The following HMGA2 variants were observed in gnomAD, a reference collection of about 807,000 sequenced individuals.
HMGA2 encodes high mobility group protein HMGI-C.
Under a neutral mutation model 19.1 loss-of-function variants are expected in HMGA2, and 8 were observed. That is an observed-to-expected ratio of 0.42 (90% CI 0.25 to 0.76). HMGA2 has a LOEUF of 0.76. Among genes scored for constraint, HMGA2 ranks in the 30% least tolerant of loss-of-function variants. The pLI is 0.28. For missense variants in HMGA2, 109 were observed against 136.3 expected, an observed-to-expected ratio of 0.80 and a Z score of 1.00; for synonymous variants, 60 against 48.8, an observed-to-expected ratio of 1.23 and a Z score of -0.96.
intron 4 of HMGA2, among the ~76,000 whole-genome samples, chr12:65,961,618 G>C (rs1450147809): frequency 6.6e-6 from 1 of 152,162 alleles, no homozygotes; most frequent in African/African-American, 2.4e-5. Flanking sequence ...CCATTCATTT[G>C]TATGTGTGTT....
rs1476172847 is a variant in HMGA2, at chr12:65,825,224, G to C, written c.-47G>C. On this transcript the variant is annotated 5_prime_UTR_variant, in exon 1 of 5. Transcript: ENST00000403681. This position sits in a 1 kb window ranked among gnomAD's most constrained non-coding sequence, Gnocchi z 4.4. ...AAAGGTGCTGGGCAGCTCCGGGGCGGTCGAGGCGAAGCGGCTGCAGCGGCG... is the reference window on the plus strand; with the variant it reads ...AAAGGTGCTGGGCAGCTCCGGGGCGCTCGAGGCGAAGCGGCTGCAGCGGCG... 1.4e-6 allele frequency: 2 copies of C among 1,479,316 alleles called. No individual in the cohort carries two copies. The highest frequency in any genetic ancestry group is 4.0e-5 in the Admixed American group (2 of 49,722). 91.6% of individuals were successfully genotyped at this position (1,479,316 alleles called of 1,614,324 possible). A position where few individuals can be genotyped will look rare whatever the true frequency, so the allele number is the denominator to read the frequency against.
chr12:65,915,389 G>T (rs1875056877), intron 3 of HMGA2: 15 of 1,299,046 alleles, frequency 1.2e-5, no homozygotes, highest in Non-Finnish European at 1.5e-5. Flanking sequence ...CACATGCAGA[G>T]CCATGCCTGC....
upstream of HMGA2, chr12:65,824,482 C>A: frequency 8.6e-6 from 2 of 231,960 alleles, no homozygotes; most frequent in Non-Finnish European, 1.7e-5. Flanking sequence ...GGCAGGAACT[C>A]AGAAAACTTC....
At chr12:65,934,497 T>C (rs1875825331) in intron 3 of HMGA2, among the ~76,000 whole-genome samples, 1 of 152,202 alleles carries the variant, frequency 6.6e-6, no homozygotes, top group Non-Finnish European at 1.5e-5. Context: ...ATCTAATATG[T>C]TGTGGCTATA....
rs1876819565 is a variant in HMGA2, at chr12:65,963,614, A to G, written c.*322A>G. The G allele has an allele frequency of 2.4e-6, 1 of 420,408 alleles. No homozygotes were observed. The highest frequency in any genetic ancestry group is 4.4e-6 in the Non-Finnish European group (1 of 228,816). 26.0% of individuals were successfully genotyped at this position (420,408 alleles called of 1,614,324 possible). A position where few individuals can be genotyped will look rare whatever the true frequency, so the allele number is the denominator to read the frequency against. On this transcript the variant is annotated 3_prime_UTR_variant, in exon 5 of 5. Transcript: ENST00000403681. ...AACCTACTAATAGTTTGTTGATCTG[A>G]TAAGCAAGAGTGGGCGGGTGAGAAA...
chr12:65,835,548 G>A (rs759276522), intron 2 of HMGA2, among the ~76,000 whole-genome samples: 9 of 152,170 alleles, frequency 5.9e-5, no homozygotes, highest in Non-Finnish European at 5.9e-5. Flanking sequence ...AGTGATAATC[G>A]TGATATTTTG....
intron 3 of HMGA2, among the ~76,000 whole-genome samples, chr12:65,871,245 G>C (rs1240495590): frequency 6.6e-6 from 1 of 152,148 alleles, no homozygotes; most frequent in Non-Finnish European, 1.5e-5. Context: ...AACAAATAAA[G>C]TATTCCTGGG....
Position 65,965,230 on chromosome 12 carries a change from A to C in HMGA2, c.*1938A>C, listed in dbSNP as rs1876874474. The C allele has an allele frequency of 5.0e-6, 1 of 201,696 alleles. No individual in the cohort carries two copies. The highest frequency in any genetic ancestry group is 1.0e-5 in the Non-Finnish European group (1 of 97,644). 12.5% of individuals were successfully genotyped at this position (201,696 alleles called of 1,614,324 possible). A position where few individuals can be genotyped will look rare whatever the true frequency, so the allele number is the denominator to read the frequency against. Reference sequence around the variant, plus strand: ...ATGCAATCAAAAATATGTGTTTTTAAGATTAGTTGAATATAAGAAAATGCT... The same window carrying C: ...ATGCAATCAAAAATATGTGTTTTTACGATTAGTTGAATATAAGAAAATGCT... On this transcript the variant is annotated 3_prime_UTR_variant, in exon 5 of 5. Transcript: ENST00000403681.
chr12:65,895,102 G>A (rs1206827458), intron 3 of HMGA2, among the ~76,000 whole-genome samples: 1 of 152,138 alleles, frequency 6.6e-6, no homozygotes, highest in Non-Finnish European at 1.5e-5. Flanking sequence ...TTTGAAAAAT[G>A]TTAGTGAATA....
Position 65,825,346 on chromosome 12 carries a change from A to C in HMGA2, c.76A>C (p.Lys26Gln), listed in dbSNP as rs2120808010. 6.5e-7 allele frequency: 1 copy of C among 1,536,828 alleles called. No homozygotes were observed. The highest frequency in any genetic ancestry group is 8.7e-7 in the Non-Finnish European group (1 of 1,145,498). ...ACAACCTGCCGCCCCAGCGCCTCAGAAGAGAGGACGCGGCCGCCCCAGGAA... is the reference window on the plus strand; with the variant it reads ...ACAACCTGCCGCCCCAGCGCCTCAGCAGAGAGGACGCGGCCGCCCCAGGAA... ...QGQPAAPAPQKRGRGRPRKQQ... is the reference protein window; with the variant it reads ...QGQPAAPAPQQRGRGRPRKQQ... The change falls in exon 1 of 5, where the codon AAG (lysine) becomes CAG (glutamine). Residue 26 changes from lysine to glutamine, a missense_variant. By Grantham distance (53) the Lys-to-Gln change is moderately conservative (BLOSUM62 1). Transcript: ENST00000403681. The surrounding 1 kb of genome is among the most constrained non-coding windows in gnomAD (Gnocchi z 4.4).
chr12:65,930,369 G>A (rs1044244520), intron 3 of HMGA2, among the ~76,000 whole-genome samples: 7 of 152,114 alleles, frequency 4.6e-5, no homozygotes, highest in Non-Finnish European at 8.8e-5. Flanking sequence ...TGAAAAATGT[G>A]CCCAGGGCCC....
At chr12:65,871,580 G>A (rs1027009247) in intron 3 of HMGA2, among the ~76,000 whole-genome samples, 5 of 152,068 alleles carry the variant, frequency 3.3e-5, no homozygotes, top group African/African-American at 9.7e-5. Flanking sequence ...CTAGATTCTC[G>A]AGGCTAAAGA....
At chr12:65,836,328 C>T (rs996853401) in intron 2 of HMGA2, among the ~76,000 whole-genome samples, 3 of 150,812 alleles carry the variant, frequency 2.0e-5, no homozygotes, top group Non-Finnish European at 4.4e-5. Flanking sequence ...CACTGCACTC[C>T]AGCCTGGGCG....
rs1352058572 is a variant in HMGA2 at position 65,894,210 on chromosome 12, G to A, written c.249+55641G>A. Reference sequence around the variant, plus strand: ...ATCAGATTGCAGTTTGAAAAACTTAGTTTTAAAACTCTACCATCTGCTAGA... The same window carrying A: ...ATCAGATTGCAGTTTGAAAAACTTAATTTTAAAACTCTACCATCTGCTAGA... On this transcript the variant is annotated intron_variant, in intron 3 of 4. Coordinates refer to ENST00000403681, the MANE Select transcript of HMGA2 (RefSeq NM_003483.6). Among the ~76,000 whole-genome samples, 8 of 152,142 alleles carry A rather than the reference G, an allele frequency of 5.3e-5. No homozygotes were observed. In the East Asian group the frequency reaches 9.6e-4, roughly 18 times the overall value.
At chr12:65,831,739 T>C (rs1870487993) in intron 2 of HMGA2, among the ~76,000 whole-genome samples, 1 of 151,934 alleles carries the variant, frequency 6.6e-6, no homozygotes, top group African/African-American at 2.4e-5. Flanking sequence ...TTGCTTTTCA[T>C]AATCATTACC....
intron 3 of HMGA2, among the ~76,000 whole-genome samples, chr12:65,951,171 C>T (rs568778493): frequency 3.3e-5 from 5 of 152,210 alleles, no homozygotes; most frequent in Middle Eastern, 3.4e-3. Context: ...TCAAGCCATC[C>T]GTCCGCCTCT....
intron 3 of HMGA2, among the ~76,000 whole-genome samples, chr12:65,904,106 G>A (rs559471497): frequency 2.0e-5 from 3 of 152,362 alleles, no homozygotes; most frequent in Non-Finnish European, 4.4e-5. Flanking sequence ...TAATCAGAGA[G>A]AACTTTAAAT....
chr12:65,912,786 T>C (rs943565230), intron 3 of HMGA2, among the ~76,000 whole-genome samples: 1 of 152,216 alleles, frequency 6.6e-6, no homozygotes, highest in African/African-American at 2.4e-5. Context: ...CCTCTTCCTC[T>C]CTGGCCCACA....
At chr12:65,907,171 C>T (rs573329436) in intron 3 of HMGA2, among the ~76,000 whole-genome samples, 5 of 151,826 alleles carry the variant, frequency 3.3e-5, no homozygotes, top group East Asian at 1.9e-4. Flanking sequence ...CCGAGGCAGG[C>T]GGATCACGAG....
Sources: allele counts gnomAD v4.1 joint callset (sites outside exome capture counted in the v4.1 genomes callset), GRCh38; gene constraint gnomAD v4.1.1; non-coding constraint Gnocchi (gnomAD v3.1); transcripts MANE v1.5; gene names NCBI Gene and HGNC (gene_info 2026-07-23, HGNC 2026-07-21).